Variants in SLC24A2 observed in about 807,000 individuals in gnomAD.
SLC24A2 encodes solute carrier family 24 member 2.
A neutral mutation model predicts 62.0 loss-of-function variants in SLC24A2; 36 were observed. The ratio of observed to expected loss-of-function variants is 0.58; its 90% CI spans 0.44 to 0.77. The LOEUF (loss-of-function observed/expected upper bound fraction) is 0.77. Ranked by LOEUF, SLC24A2 falls within the 30% of genes least tolerant of loss-of-function variation. The pLI, the probability that SLC24A2 is intolerant of heterozygous loss-of-function variation, is 0.00. For missense variants in SLC24A2, 846 were observed against 817.9 expected, an observed-to-expected ratio of 1.03 and a Z score of -0.42; for synonymous variants, 358 against 294.0, an observed-to-expected ratio of 1.22 and a Z score of -2.23.
the SLC24A2 span, among the ~76,000 whole-genome samples, chr9:19,991,015 T>C: frequency 2.4e-5 from 3 of 125,472 alleles, no homozygotes; most frequent in Non-Finnish European, 4.9e-5. Context: ...CATATATACA[T>C]ACACACACAC....
chr9:19,598,486 C>G (rs79657143), intron 4 of SLC24A2, among the ~76,000 whole-genome samples: 1 of 151,934 alleles, frequency 6.6e-6, no homozygotes, highest in African/African-American at 2.4e-5. Flanking sequence ...TGTTTTAATA[C>G]GCCAGCACAA....
At chr9:19,820,919 G>C in the SLC24A2 span, among the ~76,000 whole-genome samples, 1 of 152,050 alleles carries the variant, frequency 6.6e-6, no homozygotes, top group Non-Finnish European at 1.5e-5. Flanking sequence ...ACACATTTTA[G>C]ACCCCAGCAT....
chr9:20,177,547 T>C, the SLC24A2 span, among the ~76,000 whole-genome samples: 1 of 152,066 alleles, frequency 6.6e-6, no homozygotes, highest in Non-Finnish European at 1.5e-5. Flanking sequence ...TGATCAAGTC[T>C]TGAGAGGAAG....
chr9:20,253,836 A>C, the SLC24A2 span, among the ~76,000 whole-genome samples: 1 of 152,090 alleles, frequency 6.6e-6, no homozygotes, highest in South Asian at 2.1e-4. Context: ...CTTTCTTGGC[A>C]CTGGGTCAGG....
At chr9:19,932,099 C>G in the SLC24A2 span, among the ~76,000 whole-genome samples, 1 of 152,006 alleles carries the variant, frequency 6.6e-6, no homozygotes, top group Admixed American at 6.6e-5. Flanking sequence ...CGTATTGAAA[C>G]AAACAAATAC....
chr9:20,285,197 G>A, the SLC24A2 span, among the ~76,000 whole-genome samples: 4 of 152,152 alleles, frequency 2.6e-5, no homozygotes, highest in Non-Finnish European at 5.9e-5. Flanking sequence ...AATTCATGTT[G>A]AAGTCCTAAC....
chr9:20,247,618 T>C, the SLC24A2 span, among the ~76,000 whole-genome samples: 1 of 152,160 alleles, frequency 6.6e-6, no homozygotes, highest in Non-Finnish European at 1.5e-5. Flanking sequence ...ATCTTAGACT[T>C]CTCTGTCTCC....
the SLC24A2 span, among the ~76,000 whole-genome samples, chr9:20,276,901 C>G: frequency 6.6e-6 from 1 of 152,212 alleles, no homozygotes; most frequent in Admixed American, 6.5e-5. Context: ...CACAGGGCAC[C>G]AAATCCCAAG....
chr9:20,276,100 T>C, the SLC24A2 span, among the ~76,000 whole-genome samples: 3 of 152,230 alleles, frequency 2.0e-5, no homozygotes, highest in African/African-American at 7.2e-5. Context: ...TCAAAATCAA[T>C]CACACCTTCC....
the SLC24A2 span, among the ~76,000 whole-genome samples, chr9:20,290,851 C>A: frequency 6.6e-6 from 1 of 152,290 alleles, no homozygotes; most frequent in East Asian, 1.9e-4. Context: ...GCCATTGCAA[C>A]CTTGTGCCCA....
intron 5 of SLC24A2, among the ~76,000 whole-genome samples, chr9:19,583,509 C>A (rs1836267239): frequency 6.6e-6 from 1 of 152,320 alleles, no homozygotes; most frequent in Non-Finnish European, 1.5e-5. Context: ...TGGTTTTGTT[C>A]ACTGGTATAT....
chr9:20,291,987 T>C, the SLC24A2 span, among the ~76,000 whole-genome samples: 21 of 152,096 alleles, frequency 1.4e-4, no homozygotes, highest in African/African-American at 4.8e-4. Flanking sequence ...ATATGGAGAC[T>C]AGAAAGGGTG....
At chr9:19,697,198 A>G (rs1820218607) in intron 2 of SLC24A2, among the ~76,000 whole-genome samples, 1 of 152,214 alleles carries the variant, frequency 6.6e-6, no homozygotes, top group African/African-American at 2.4e-5. Context: ...AATTGAAATA[A>G]TGACTTCTGA....
chr9:20,106,556 A>G, the SLC24A2 span, among the ~76,000 whole-genome samples: 2 of 152,218 alleles, frequency 1.3e-5, no homozygotes, highest in Non-Finnish European at 2.9e-5. Context: ...ATGCAAATCA[A>G]TAAATGTAAT....
At chr9:19,685,774 A>G (rs1819863038) in intron 2 of SLC24A2, among the ~76,000 whole-genome samples, 1 of 152,158 alleles carries the variant, frequency 6.6e-6, no homozygotes, top group African/African-American at 2.4e-5. Flanking sequence ...AATCAACTAA[A>G]GATGAATTAA....
the SLC24A2 span, among the ~76,000 whole-genome samples, chr9:20,014,517 T>TATATAC: frequency 4.2e-4 from 63 of 148,458 alleles, no homozygotes; most frequent in African/African-American, 1.2e-3. Context: ...TATATATATA[T>TATATAC]ACACACACAC....
the SLC24A2 span, chr9:19,895,759 T>C: frequency 1.9e-6 from 3 of 1,538,956 alleles, no homozygotes; most frequent in African/African-American, 4.1e-5. Flanking sequence ...GGCGGCCCAG[T>C]CCCACCCTCC....
At chr9:20,277,697 GA>G in the SLC24A2 span, among the ~76,000 whole-genome samples, 1 of 152,156 alleles carries the variant, frequency 6.6e-6, no homozygotes, top group South Asian at 2.1e-4. Flanking sequence ...CAGGGATCTA[GA>G]ACTAGAAATA....
chr9:20,108,704 TGGGGGAG>T, the SLC24A2 span, among the ~76,000 whole-genome samples: 1 of 65,740 alleles, frequency 1.5e-5, no homozygotes, highest in South Asian at 5.4e-4. Flanking sequence ...GTTGTCGGGT[TGGGGGAG>T]GGGGGAGGGA....
Sources: allele counts gnomAD v4.1 joint callset (sites outside exome capture counted in the v4.1 genomes callset), GRCh38; gene constraint gnomAD v4.1.1; transcripts MANE v1.5; gene names NCBI Gene and HGNC (gene_info 2026-07-23, HGNC 2026-07-21).